The following ZNF385C variants were observed in gnomAD, a reference collection of about 807,000 sequenced individuals.
The protein encoded by ZNF385C is zinc finger protein 385C, also known as CTD-2132N18.2.
Under a neutral mutation model 35.4 loss-of-function variants are expected in ZNF385C, and 28 were observed. That is an observed-to-expected ratio of 0.79 (90% confidence interval 0.59 to 1.08). ZNF385C has a LOEUF of 1.08. Ranked by LOEUF, ZNF385C falls within the 50% of genes least tolerant of loss-of-function variation. ZNF385C has a pLI of 0.00. For missense variants in ZNF385C, 605 were observed against 595.6 expected (o/e 1.02, Z -0.16); for synonymous variants, 248 against 248.2 (o/e 1.00, Z 0.01).
At chr17:42,070,160 C>T (rs1460802408) in intron 1 of ZNF385C, among the ~76,000 whole-genome samples, 4 of 151,968 alleles carry the variant, frequency 2.6e-5, no homozygotes, top group Admixed American at 6.6e-5. Flanking sequence ...CTGGCTAACA[C>T]GATGAAACCC....
intron 2 of ZNF385C, among the ~76,000 whole-genome samples, chr17:42,058,969 T>C (rs1179740672): frequency 6.6e-6 from 1 of 152,176 alleles, no homozygotes; most frequent in Non-Finnish European, 1.5e-5. Flanking sequence ...GTTGCTGGCA[T>C]CTTCTTGCTG....
chr17:42,076,600 C>T (rs532809154), intron 1 of ZNF385C, among the ~76,000 whole-genome samples: 8 of 151,412 alleles, frequency 5.3e-5, no homozygotes, highest in East Asian at 3.9e-4. Flanking sequence ...CCAGCCTGGG[C>T]GATAAAATGA....
At chr17:42,031,076 G>A (rs542288377) in intron 5 of ZNF385C, among the ~76,000 whole-genome samples, 104 of 152,006 alleles carry the variant, frequency 6.8e-4, no homozygotes, top group African/African-American at 2.4e-3. Context: ...GGCAGGGGAG[G>A]TTAGAGACAA....
At chr17:42,070,119 C>T (rs928576480) in intron 1 of ZNF385C, among the ~76,000 whole-genome samples, 2 of 151,904 alleles carry the variant, frequency 1.3e-5, no homozygotes, top group Non-Finnish European at 2.9e-5. Context: ...CCGAGGCGGG[C>T]GGATCATGAG....
At chr17:42,032,924 A>G (rs1354287030) in intron 4 of ZNF385C, among the ~76,000 whole-genome samples, 3 of 151,014 alleles carry the variant, frequency 2.0e-5, no homozygotes, top group Non-Finnish European at 3.0e-5. Flanking sequence ...GGGTTTCACC[A>G]TGTTGGCCAG....
chr17:42,083,645 A>C (rs1167961483), intron 1 of ZNF385C, among the ~76,000 whole-genome samples: 1 of 151,198 alleles, frequency 6.6e-6, no homozygotes, highest in Admixed American at 6.6e-5. Context: ...CTTAAAAAAA[A>C]CTAAACTTTA....
chr17:42,082,804 G>A (rs1310438261), intron 1 of ZNF385C, among the ~76,000 whole-genome samples: 4 of 152,182 alleles, frequency 2.6e-5, no homozygotes, highest in African/African-American at 9.7e-5. Flanking sequence ...AAGGCCAGGC[G>A]CGGTGGCTTA....
chr17:42,061,006 C>T (rs4796764), intron 2 of ZNF385C, among the ~76,000 whole-genome samples: 110,584 of 152,028 alleles, frequency 0.73, 42,689 homozygotes, highest in South Asian at 0.85. Flanking sequence ...TGAGCCTGGC[C>T]CCTCCTCTGA....
rs2053249572 is a variant in ZNF385C at position 42,050,091 on chromosome 17, C to A, written c.251-12206G>T. Among the ~76,000 whole-genome samples, 1 of 152,238 alleles carries A rather than the reference C, an allele frequency of 6.6e-6. No homozygotes were observed. Among genetic ancestry groups the A allele is most frequent in the Non-Finnish European group, 1.5e-5 (1 of 68,054 alleles). Reference sequence around the variant, plus strand: ...TCCATGGGTCCAGTTGTGACCAAGGCTGACCAGGAGGGCACACTTGCTGCA... The same window carrying A: ...TCCATGGGTCCAGTTGTGACCAAGGATGACCAGGAGGGCACACTTGCTGCA... On this transcript the variant is annotated intron_variant, in intron 2 of 8. Coordinates refer to ENST00000692273, the MANE Select transcript of ZNF385C (RefSeq NM_001392013.1). This position sits in a 1 kb window ranked among gnomAD's most constrained non-coding sequence, Gnocchi z 5.6.
chr17:42,038,316 T>A, intron 2 of ZNF385C: 1 of 472,570 alleles, frequency 2.1e-6, no homozygotes, highest in South Asian at 2.9e-5. Context: ...CCTCTCACTC[T>A]CTAACTATCC....
intron 2 of ZNF385C, among the ~76,000 whole-genome samples, chr17:42,060,004 C>A (rs2053438314): frequency 6.6e-6 from 1 of 152,162 alleles, no homozygotes; most frequent in Non-Finnish European, 1.5e-5. Context: ...GGAGCTTTTA[C>A]CACAGGGACC....
At position 42,026,961 on chromosome 17, in the gene ZNF385C, A is replaced by G. The variant is rs2052593141; in HGVS notation, c.1448T>C (p.Leu483Pro). 1 of 1,611,930 alleles carries G rather than the reference A, an allele frequency of 6.2e-7. No homozygotes were observed. ...GACAGCTCCTGCTGGGGTGCGAAAC[A>G]GAGCTGGGCCCAGGATGGGAGCCGG... ...LFPAPILGPALFRTPAGAVRP... is the reference protein window; with the variant it reads ...LFPAPILGPAPFRTPAGAVRP... The change falls in exon 9 of 9, where the codon CTG (leucine) becomes CCG (proline). Residue 483 changes from leucine to proline, a missense_variant. Transcript: ENST00000692273.
intron 2 of ZNF385C, among the ~76,000 whole-genome samples, chr17:42,052,764 A>G (rs948887462): frequency 6.6e-6 from 1 of 152,190 alleles, no homozygotes. Flanking sequence ...AGATGCAGAG[A>G]CCGGTGTGCA....
At position 42,050,684 on chromosome 17, in the gene ZNF385C, G is replaced by C. The variant is rs1442539502; in HGVS notation, c.250+12123C>G. The C allele has an allele frequency of 6.6e-6, 1 of 151,264 alleles. No individual in the cohort carries two copies. The highest frequency in any genetic ancestry group is 2.4e-5 in the African/African-American group (1 of 41,326). The allele number at this position is 151,264 out of a possible 1,614,324, so 9.4% of individuals were successfully genotyped here. On this transcript the variant is annotated intron_variant, in intron 2 of 8. Transcript: ENST00000692273. This position sits in a 1 kb window ranked among gnomAD's most constrained non-coding sequence, Gnocchi z 5.6. ...GCGCCAGCAGCCAGCGCCGGCCAGG[G>C]TCCCGGGCAGGGCGGGCGGCGCCCC...
In ZNF385C at chr17:42,031,639, G is replaced by C; in HGVS notation, c.656C>G (p.Pro219Arg). The C allele has an allele frequency of 6.4e-7, 1 of 1,550,636 alleles. No homozygotes were observed. The highest frequency in any genetic ancestry group is 8.7e-7 in the Non-Finnish European group (1 of 1,146,982). The change falls in exon 5 of 9, where the codon CCT becomes CGT. Residue 219 changes from proline to arginine, a missense_variant. Pro to Arg is a moderately radical substitution (Grantham distance 103). Coordinates refer to ENST00000692273, the MANE Select transcript of ZNF385C (RefSeq NM_001392013.1). ...SPIPTLASGA[P>R]GEPQSKVPAA... ...CTGACCTTTACTCTGTGGCTCTCCA[G>C]GGGCTCCACTGGCCAGCGTTGGGAT...
chr17:42,069,861 G>A (rs1280063617), intron 1 of ZNF385C, among the ~76,000 whole-genome samples: 3 of 151,926 alleles, frequency 2.0e-5, no homozygotes, highest in Admixed American at 6.6e-5. Flanking sequence ...TGGCCAACAT[G>A]GTGAAACCCC....
At position 42,028,915 on chromosome 17, in the gene ZNF385C, C is replaced by G; in HGVS notation, c.835G>C (p.Gly279Arg). ...ACGGCAGCTGCCGCTGGCTCAGGCC[C>G]CGGTGCCTCTCTCCCAGGCTCTGGG... is the stretch of plus-strand genomic sequence containing the variant. Reference protein sequence around the residue: ...CSPEPGREAPGPEPAAAAVGS... With the variant: ...CSPEPGREAPRPEPAAAAVGS... Residue 279 changes from glycine (G) to arginine (R), a missense_variant, in exon 6 of 9, where the codon GGG becomes CGG. Gly to Arg is a moderately radical substitution (Grantham distance 125, BLOSUM62 -2). Transcript: ENST00000692273. 1 of 1,550,590 alleles carries G rather than the reference C, an allele frequency of 6.4e-7. No individual in the cohort carries two copies. Among genetic ancestry groups the G allele is most frequent in the Non-Finnish European group, 8.7e-7 (1 of 1,147,004 alleles).
At chr17:42,074,902 G>A (rs1008718277) in intron 1 of ZNF385C, among the ~76,000 whole-genome samples, 9 of 152,204 alleles carry the variant, frequency 5.9e-5, no homozygotes, top group African/African-American at 2.2e-4. Context: ...TAGCAGCTTT[G>A]ACAAGGTATC....
chr17:42,075,070 A>G (rs554228038), intron 1 of ZNF385C, among the ~76,000 whole-genome samples: 4 of 152,100 alleles, frequency 2.6e-5, no homozygotes, highest in Non-Finnish European at 1.5e-5. Context: ...TAACACAGAA[A>G]ACGTGCACTC....
Sources: allele counts gnomAD v4.1 joint callset (sites outside exome capture counted in the v4.1 genomes callset), GRCh38; gene constraint gnomAD v4.1.1; non-coding constraint Gnocchi (gnomAD v3.1); transcripts MANE v1.5; gene names NCBI Gene and HGNC (gene_info 2026-07-23, HGNC 2026-07-21).